PDXDC1: variants seen among roughly 807,000 people sequenced by gnomAD.
PDXDC1 encodes the protein pyridoxal-dependent decarboxylase domain-containing protein 1.
In PDXDC1, 42 loss-of-function variants were observed where a neutral mutation model predicts 100.1. The ratio of observed to expected loss-of-function variants is 0.42; its 90% CI spans 0.33 to 0.54. The LOEUF is 0.54. Ranked by LOEUF, PDXDC1 falls within the 20% of genes least tolerant of loss-of-function variation. The pLI, the probability that PDXDC1 is intolerant of heterozygous loss-of-function variation, is 0.10. For missense variants in PDXDC1, 636 were observed against 979.2 expected (o/e 0.65, Z 4.68); for synonymous variants, 260 against 371.7 (o/e 0.70, Z 3.46).
rs780371838 is a variant in PDXDC1 at position 15,065,197 on chromosome 16, G to A, written c.1399+35141G>A. On this transcript the variant is annotated intron_variant, in intron 16 of 16. Transcript: ENST00000535621. ...AAAAAAAAAATCCACCTCCTCCAGC[G>A]TCAATGTTTAAAAGTACCTACCTCT... The A allele has an allele frequency of 8.9e-6, 14 of 1,571,270 alleles. No homozygotes were observed. In the Admixed American group the frequency reaches 1.4e-4, roughly 16 times the overall value.
At chr16:15,011,001 C>A (rs1406775610) in intron 8 of PDXDC1, among the ~76,000 whole-genome samples, 1 of 152,296 alleles carries the variant, frequency 6.6e-6, no homozygotes, top group African/African-American at 2.4e-5. Flanking sequence ...CAGTTCTTCC[C>A]AAACTAATCT....
intron 1 of PDXDC1, among the ~76,000 whole-genome samples, chr16:14,991,749 C>T (rs1294878294): frequency 6.6e-6 from 1 of 152,226 alleles, no homozygotes; most frequent in Non-Finnish European, 1.5e-5. Context: ...CTCAAACTCC[C>T]GGACTCAACT....
chr16:15,102,381 C>T (rs1035433330), intron 16 of PDXDC1, among the ~76,000 whole-genome samples: 2 of 152,040 alleles, frequency 1.3e-5, no homozygotes, highest in African/African-American at 2.4e-5. Context: ...GGATGACCTC[C>T]GGAGGCAGGG....
intron 16 of PDXDC1, among the ~76,000 whole-genome samples, chr16:15,087,987 G>A (rs2045974964): frequency 6.6e-6 from 1 of 152,088 alleles, no homozygotes; most frequent in Admixed American, 6.6e-5. Flanking sequence ...GGTGGTGCAT[G>A]CCCGTAATCC....
rs779135028 is a variant in PDXDC1, at chr16:15,038,146, A to C, written c.*1871A>C. The C allele has an allele frequency of 2.8e-5, 45 of 1,613,354 alleles. No individual in the cohort carries two copies. Among genetic ancestry groups the C allele is most frequent in the Non-Finnish European group, 3.5e-5 (41 of 1,179,406 alleles). On this transcript the variant is annotated 3_prime_UTR_variant, in exon 23 of 23. Coordinates refer to ENST00000396410, the MANE Select transcript of PDXDC1 (RefSeq NM_015027.4). ...TGGAGATGGGTGTTTTTTTAAAAAC[A>C]TCAAGGTAGATCTAATATGTTCAAC...
chr16:15,056,130 G>T (rs2044512002), intron 16 of PDXDC1: 1 of 178,790 alleles, frequency 5.6e-6, no homozygotes, highest in South Asian at 1.9e-4. Context: ...GGCGGAGGCG[G>T]TGCCGGCCGA....
chr16:15,089,905 C>A (rs1235694007), intron 16 of PDXDC1, among the ~76,000 whole-genome samples: 2 of 149,702 alleles, frequency 1.3e-5, no homozygotes, highest in Admixed American at 1.3e-4. Flanking sequence ...GAATACAAGG[C>A]TTAAAAAAGT....
chr16:15,125,256 C>T lies in PDXDC1; in HGVS notation c.1400-13623C>T, dbSNP rs1598195140. 1.0e-5 allele frequency: 6 copies of T among 579,428 alleles called. No individual in the cohort carries two copies. In the East Asian group the frequency reaches 1.7e-4, roughly 17 times the overall value. 35.9% of individuals were successfully genotyped at this position (579,428 alleles called of 1,614,324 possible). A position where few individuals can be genotyped will look rare whatever the true frequency, so the allele number is the denominator to read the frequency against. On this transcript the variant is annotated intron_variant, in intron 16 of 16. Coordinates refer to the PDXDC1 transcript ENST00000535621. ...GGGGGTTGTGCCGCAGATTGCTACC[C>T]ACAATGGACGGGTCACTGAGCAGGT...
intron 16 of PDXDC1, among the ~76,000 whole-genome samples, chr16:15,075,505 A>AGGCTGGAGTGGGCC (rs1248990857): frequency 6.6e-6 from 1 of 151,656 alleles, no homozygotes; most frequent in African/African-American, 2.4e-5. Context: ...CAGGAGGTCG[A>AGGCTGGAGTGGGCC]GGCTGGAGTG....
intron 1 of PDXDC1, among the ~76,000 whole-genome samples, chr16:14,995,002 C>G (rs1182539373): frequency 6.6e-6 from 1 of 152,302 alleles, no homozygotes; most frequent in Non-Finnish European, 1.5e-5. Context: ...TATCCTGAGA[C>G]TTTGCTGAAG....
At chr16:15,124,367 A>G (rs2047587874) in intron 16 of PDXDC1, among the ~76,000 whole-genome samples, 3 of 152,150 alleles carry the variant, frequency 2.0e-5, no homozygotes, top group Admixed American at 2.0e-4. Context: ...TCCCTTTACC[A>G]TTTACTATGA....
chr16:15,063,287 T>C, intron 16 of PDXDC1: 1 of 1,601,980 alleles, frequency 6.2e-7, no homozygotes, highest in South Asian at 1.1e-5. Flanking sequence ...CTTTGACCTG[T>C]CAACAAAGAT....
At chr16:15,079,926 G>A (rs1298931571) in intron 16 of PDXDC1, 1 of 1,436,496 alleles carries the variant, frequency 7.0e-7, no homozygotes, top group Non-Finnish European at 9.4e-7. Context: ...ACTGACTATT[G>A]TTTCCACATA....
chr16:15,074,692 T>C, intron 16 of PDXDC1: 1 of 1,571,024 alleles, frequency 6.4e-7, no homozygotes, highest in African/African-American at 1.4e-5. Flanking sequence ...ACACTGCAGG[T>C]GTTCAATAAA....
At chr16:15,150,357 A>G in the PDXDC1 span, among the ~76,000 whole-genome samples, 3 of 149,394 alleles carry the variant, frequency 2.0e-5, no homozygotes, top group Admixed American at 2.0e-4. Context: ...CAATAAATAA[A>G]TAAATAAATA....
At chr16:14,977,094 T>C (rs958536902) in intron 1 of PDXDC1, among the ~76,000 whole-genome samples, 2 of 152,266 alleles carry the variant, frequency 1.3e-5, no homozygotes, top group African/African-American at 2.4e-5. Flanking sequence ...ATAAAAGATC[T>C]TAAACTCTCT....
Position 15,036,143 on chromosome 16 carries a change from G to A in PDXDC1, c.2235G>A (p.Glu745=). 6.2e-7 allele frequency: 1 copy of A among 1,614,136 alleles called. No individual in the cohort carries two copies. Among genetic ancestry groups the A allele is most frequent in the Non-Finnish European group, 8.5e-7 (1 of 1,180,030 alleles). Residue 745 remains glutamate, a synonymous_variant, in exon 23 of 23, where the codon GAG becomes GAA. Coordinates refer to ENST00000396410, the MANE Select transcript of PDXDC1 (RefSeq NM_015027.4). ...GTGGGCCGGAGCAGATCACCCTCGA[G>A]GCCAGCAGCACTGAGGGACACCCAG... ...LSSGPEQITL[E]ASSTEGHPGA... is the part of the protein sequence containing the mutation.
intron 16 of PDXDC1, among the ~76,000 whole-genome samples, chr16:15,082,164 T>C (rs535129283): frequency 6.6e-6 from 1 of 152,322 alleles, no homozygotes; most frequent in Non-Finnish European, 1.5e-5. Context: ...TTGTTCTTTG[T>C]CTTAGGAAAA....
chr16:15,053,311 CAGTA>C (rs1416625216), intron 16 of PDXDC1, among the ~76,000 whole-genome samples: 3 of 152,172 alleles, frequency 2.0e-5, no homozygotes, highest in Non-Finnish European at 4.4e-5. Flanking sequence ...ATGGGAATAG[CAGTA>C]ACTCTTGCTG....
Sources: gnomAD v4.1 joint callset for allele counts (sites outside exome capture counted in the v4.1 genomes callset) on GRCh38, gnomAD v4.1.1 for gene constraint, MANE v1.5 for transcripts, NCBI Gene and HGNC (gene_info 2026-07-23, HGNC 2026-07-21) for gene names.